The following ITGA1 variants were observed in gnomAD, a reference collection of about 807,000 sequenced individuals.
ITGA1 encodes integrin subunit alpha 1.
ITGA1 carries 85 observed loss-of-function variants against 145.9 expected under a neutral mutation model. That is an observed-to-expected ratio of 0.58 (90% CI 0.49 to 0.70). The LOEUF (loss-of-function observed/expected upper bound fraction) is 0.70. Among genes scored for constraint, ITGA1 ranks in the 30% least tolerant of loss-of-function variants. The probability of loss-of-function intolerance (pLI) is 0.00; values close to 1 mark genes in which losing one functional copy is unlikely to be tolerated. For missense variants in ITGA1, 1,351 were observed against 1,418.7 expected (o/e 0.95, Z 0.77); for synonymous variants, 520 against 495.3 (o/e 1.05, Z -0.66).
At chr5:52,952,306 C>A in intron 28 of ITGA1, 101 bp from the exon 29 acceptor site, 2 of 534,584 alleles carry the variant, frequency 3.7e-6, no homozygotes, top group South Asian at 3.0e-5. Context: ...GTGTGCCCAG[C>A]ATTGCCAATA....
At chr5:52,850,573 A>G (rs1749414718) in intron 2 of ITGA1, among the ~76,000 whole-genome samples, 3 of 152,324 alleles carry the variant, frequency 2.0e-5, no homozygotes, top group Admixed American at 2.0e-4. Context: ...CATTAATAAA[A>G]ATATGTGGAT....
rs541303256 is a variant in ITGA1, at chr5:52,896,281, G to A, written c.1091-1174G>A. Among the ~76,000 whole-genome samples the A allele has an allele frequency of 1.2e-4, 19 of 152,280 alleles. No individual in the cohort carries two copies. In the East Asian group the frequency reaches 3.1e-3, roughly 25 times the overall value. ...CTGAAGGCAGAATAGCGGCAGGGCA[G>A]GTGCTGAAAATAATGCAGGTTTCCG... On this transcript the variant is annotated intron_variant, in intron 9 of 28. Transcript: ENST00000282588.
intron 1 of ITGA1, among the ~76,000 whole-genome samples, chr5:52,848,429 G>A (rs1036858548): frequency 4.6e-5 from 7 of 152,154 alleles, no homozygotes; most frequent in African/African-American, 1.4e-4. Context: ...AGTCATATAT[G>A]AATCTGAGTT....
intron 23 of ITGA1, 28 bp downstream of exon 23, chr5:52,934,024 C>T (rs779967576): frequency 1.1e-6 from 1 of 920,110 alleles, no homozygotes; most frequent in East Asian, 2.8e-5. Flanking sequence ...AAATAGTATT[C>T]TAAAGGAGTT....
chr5:52,912,291 C>G (rs1028097872), intron 14 of ITGA1, among the ~76,000 whole-genome samples: 29 of 141,408 alleles, frequency 2.1e-4, no homozygotes, highest in Non-Finnish European at 3.0e-4. Context: ...TATATATTAT[C>G]TATATACTAT....
intron 1 of ITGA1, among the ~76,000 whole-genome samples, chr5:52,830,191 T>C (rs1749036966): frequency 6.6e-6 from 1 of 152,186 alleles, no homozygotes. Flanking sequence ...AATGGCCTTA[T>C]TCAGAACACT....
chr5:52,835,336 G>A (rs1245978843), intron 1 of ITGA1, among the ~76,000 whole-genome samples: 2 of 152,078 alleles, frequency 1.3e-5, no homozygotes, highest in South Asian at 2.1e-4. Context: ...AATATAAAGC[G>A]ATACATCCTA....
chr5:52,899,276 T>A (rs1750278611), intron 11 of ITGA1, among the ~76,000 whole-genome samples: 2 of 152,194 alleles, frequency 1.3e-5, no homozygotes, highest in South Asian at 2.1e-4. Flanking sequence ...TTTCTCTCTG[T>A]CCCAGTTGCT....
chr5:52,800,655 C>T, intron 1 of ITGA1: 1 of 1,614,168 alleles, frequency 6.2e-7, no homozygotes, highest in Non-Finnish European at 8.5e-7. Context: ...AGGGGACCAA[C>T]ATCCAAGAGA....
Position 52,911,565 on chromosome 5 carries a change from C to G in ITGA1, c.1857+1146C>G, listed in dbSNP as rs1278030057. Among the ~76,000 whole-genome samples, 53 of 48,850 alleles carry G rather than the reference C, an allele frequency of 1.1e-3. 4 individuals carry two copies. Among genetic ancestry groups the G allele is most frequent in the African/African-American group, 3.2e-3 (49 of 15,498 alleles). 32.0% of individuals were successfully genotyped at this position (48,850 alleles called of 152,430 possible). ...ACATATACTATATATAGTGTATCTA[C>G]TATATATACTATATATATAGTGTAT... On this transcript the variant is annotated intron_variant, in intron 14 of 28. Transcript: ENST00000282588.
intron 9 of ITGA1, 40 bp downstream of exon 9, chr5:52,893,880 A>T: frequency 6.7e-7 from 1 of 1,497,690 alleles, no homozygotes; most frequent in South Asian, 1.2e-5. Flanking sequence ...TCTCTCTGCA[A>T]TTCAAAATCA....
chr5:52,819,541 A>G (rs1748833597), intron 1 of ITGA1, among the ~76,000 whole-genome samples: 1 of 151,990 alleles, frequency 6.6e-6, no homozygotes, highest in South Asian at 2.1e-4. Flanking sequence ...TAGATTCTGG[A>G]TATTAGCCCT....
chr5:52,898,203 T>C, intron 10 of ITGA1, 36 bp from the exon 11 acceptor site: 1 of 1,331,036 alleles, frequency 7.5e-7, no homozygotes, highest in Non-Finnish European at 1.0e-6. Flanking sequence ...TTATTATTTT[T>C]ATTAAATATT....
At chr5:52,828,015 AT>A (rs1411883333) in intron 1 of ITGA1, among the ~76,000 whole-genome samples, 1 of 152,182 alleles carries the variant, frequency 6.6e-6, no homozygotes, top group Non-Finnish European at 1.5e-5. Context: ...ATTCTATTGT[AT>A]GGATATACCA....
chr5:52,923,477 T>G (rs940049475), intron 18 of ITGA1, among the ~76,000 whole-genome samples: 3 of 152,100 alleles, frequency 2.0e-5, no homozygotes, highest in African/African-American at 4.8e-5. Flanking sequence ...AGCTATCTAC[T>G]GTTTAACAAA....
At chr5:52,896,273 G>C (rs112069951) in intron 9 of ITGA1, among the ~76,000 whole-genome samples, 182 of 152,282 alleles carry the variant, frequency 1.2e-3, no homozygotes, top group African/African-American at 4.1e-3. Flanking sequence ...CAGAATAGCG[G>C]CAGGGCAGGT....
chr5:52,855,986 G>A (rs1024884100), intron 2 of ITGA1, among the ~76,000 whole-genome samples: 1 of 152,040 alleles, frequency 6.6e-6, no homozygotes, highest in Non-Finnish European at 1.5e-5. Context: ...TTCTCACTCC[G>A]CAATCTTCAC....
chr5:52,800,075 G>T (rs577758516), intron 1 of ITGA1: 52 of 334,572 alleles, frequency 1.6e-4, no homozygotes, highest in South Asian at 1.2e-3. Context: ...GTCGCGGGAC[G>T]GGGGCTGCGC....
chr5:52,847,010 G>T (rs1170357788), intron 1 of ITGA1, among the ~76,000 whole-genome samples: 1 of 152,032 alleles, frequency 6.6e-6, no homozygotes, highest in Non-Finnish European at 1.5e-5. Context: ...ACAAGGAGTT[G>T]TGCTAGATTT....
Sources: allele counts gnomAD v4.1 joint callset (sites outside exome capture counted in the v4.1 genomes callset), GRCh38; gene constraint gnomAD v4.1.1; transcripts MANE v1.5; gene names NCBI Gene and HGNC (gene_info 2026-07-23, HGNC 2026-07-21).